RYR2: variants seen among roughly 807,000 people sequenced by gnomAD.
RYR2 encodes ryanodine receptor 2.
A neutral mutation model predicts 601.1 loss-of-function variants in RYR2; 227 were observed. The ratio of observed to expected loss-of-function variants is 0.38; its 90% CI spans 0.34 to 0.42. The LOEUF is 0.42. RYR2 is among the 10% of genes least tolerant of loss of function. RYR2 has a pLI of 1.00. For synonymous variants in RYR2, 2,223 were observed against 2,175.1 expected, an observed-to-expected ratio of 1.02 and a Z score of -0.61; for missense variants, 4,646 against 6,156.5, an observed-to-expected ratio of 0.75 and a Z score of 8.21.
At chr1:237,266,709 G>A (rs1558524079) in intron 1 of RYR2, among the ~76,000 whole-genome samples, 1 of 152,250 alleles carries the variant, frequency 6.6e-6, no homozygotes, top group Non-Finnish European at 1.5e-5. Context: ...GCTTTGATGA[G>A]TATGTCAGAT....
intron 80 of RYR2, among the ~76,000 whole-genome samples, chr1:237,749,953 C>T (rs1014220780): frequency 7.2e-5 from 11 of 151,938 alleles, no homozygotes; most frequent in Non-Finnish European, 2.9e-5. Flanking sequence ...CAAGACCAGC[C>T]CAGGCAACAT....
intron 1 of RYR2, among the ~76,000 whole-genome samples, chr1:237,156,925 G>A (rs1394282821): frequency 3.3e-5 from 5 of 152,150 alleles, no homozygotes; most frequent in South Asian, 2.1e-4. Context: ...GAATGCTTGC[G>A]CACTGTTGGT....
chr1:237,521,520 G>C (rs756525886), intron 24 of RYR2, among the ~76,000 whole-genome samples: 4 of 151,422 alleles, frequency 2.6e-5, no homozygotes, highest in African/African-American at 9.7e-5. Context: ...AGGAGTTCAA[G>C]AGCAGCCTGG....
At chr1:237,107,400 A>G (rs1037486100) in intron 1 of RYR2, among the ~76,000 whole-genome samples, 2 of 151,266 alleles carry the variant, frequency 1.3e-5, no homozygotes, top group East Asian at 2.0e-4. Context: ...GGGCGCCTGT[A>G]GTCCCAGCTA....
chr1:237,565,166 T>C (rs559041381), intron 27 of RYR2, among the ~76,000 whole-genome samples: 1 of 14,304 alleles, frequency 7.0e-5, no homozygotes, highest in Admixed American at 8.3e-4. Flanking sequence ...TCTCTTTCTT[T>C]CTTTCTTTCT....
chr1:237,170,120 G>GA (rs1193033202), intron 1 of RYR2, among the ~76,000 whole-genome samples: 2 of 150,636 alleles, frequency 1.3e-5, no homozygotes, highest in Admixed American at 6.6e-5. Flanking sequence ...TTGTTGTAAA[G>GA]AAAAAAAAGA....
rs148841496 is a variant in RYR2 at position 237,760,899 on chromosome 1, G to A, written c.11403-56G>A. 6.0e-6 allele frequency: 7 copies of A among 1,158,300 alleles called. No individual in the cohort carries two copies. In the Admixed American group the frequency reaches 1.5e-4, roughly 24 times the overall value. The allele number at this position is 1,158,300 out of a possible 1,614,324, so 71.8% of individuals were successfully genotyped here. ...GGTGTTTAGATGTTTGCTCTCCTGA[G>A]CAAAGAAAATGTTCTATTAGTCCTC... On this transcript the variant is annotated intron_variant, in intron 83 of 104. Transcript: ENST00000366574.
intron 2 of RYR2, among the ~76,000 whole-genome samples, chr1:237,295,889 CAG>C (rs3086045): frequency 0.23 from 35,366 of 151,558 alleles, 5,207 homozygotes; most frequent in Admixed American, 0.33. Context: ...GAGATCGAGA[CAG>C]AGTGCACCAT....
intron 101 of RYR2, among the ~76,000 whole-genome samples, chr1:237,823,322 A>G (rs537576989): frequency 6.6e-6 from 1 of 152,328 alleles, no homozygotes; most frequent in East Asian, 1.9e-4. Flanking sequence ...GGAAATCATA[A>G]CAGAGTCTCT....
intron 27 of RYR2, among the ~76,000 whole-genome samples, chr1:237,552,605 ACC>A (rs891978006): frequency 7.7e-4 from 117 of 152,120 alleles, no homozygotes; most frequent in African/African-American, 2.3e-3. Context: ...TATAAATGTA[ACC>A]TATAAATGTA....
At chr1:237,417,536 T>C (rs1215572154) in intron 11 of RYR2, among the ~76,000 whole-genome samples, 1 of 152,182 alleles carries the variant, frequency 6.6e-6, no homozygotes, top group East Asian at 1.9e-4. Context: ...CTTCTAAAAG[T>C]ACATTTAAAA....
In RYR2 at chr1:237,524,088, C is replaced by G. The variant is rs73112421; in HGVS notation, c.2823-6339C>G. On this transcript the variant is annotated intron_variant, in intron 24 of 104. Transcript: ENST00000366574. ...ACTCAAGAGAAATAAAAGCTTATGT[C>G]CCTGCAAAGATTTACACGTAAATGT... is the stretch of plus-strand genomic sequence containing the variant. 4.0e-3 allele frequency among the ~76,000 whole-genome samples: 615 copies of G among 152,254 alleles called. 5 individuals are homozygous for G. Among genetic ancestry groups the G allele is most frequent in the African/African-American group, 0.014 (587 of 41,554 alleles).
intron 80 of RYR2, among the ~76,000 whole-genome samples, chr1:237,749,217 C>A (rs976640887): frequency 1.3e-4 from 20 of 152,130 alleles, no homozygotes; most frequent in Non-Finnish European, 2.6e-4. Context: ...AAATGCAAGG[C>A]AGCAGACTCA....
At chr1:237,811,897 C>T (rs893329807) in intron 100 of RYR2, among the ~76,000 whole-genome samples, 1 of 152,146 alleles carries the variant, frequency 6.6e-6, no homozygotes, top group African/African-American at 2.4e-5. Flanking sequence ...GCTGAAAGGA[C>T]TCTGATGTTC....
chr1:237,749,869 G>T (rs1172232489), intron 80 of RYR2, among the ~76,000 whole-genome samples: 1 of 152,218 alleles, frequency 6.6e-6, no homozygotes, highest in Non-Finnish European at 1.5e-5. Flanking sequence ...ATGTCAGCCA[G>T]GTGCAGTGTA....
chr1:237,484,593 C>T (rs1412279196), intron 17 of RYR2, among the ~76,000 whole-genome samples: 3 of 152,208 alleles, frequency 2.0e-5, no homozygotes, highest in Admixed American at 6.5e-5. Flanking sequence ...AGTCAGCCTA[C>T]GTAGAGCACT....
In RYR2 at chr1:237,602,231, A is replaced by G. The variant is rs535561404; in HGVS notation, c.4683+120A>G. ...TATGAATCAAATAAATCATTCTTTC[A>G]AGAAAAGATAGCCATGCTTGAAAAT... On this transcript the variant is annotated intron_variant, in intron 35 of 104. Transcript: ENST00000366574. 6 of 666,438 alleles carry G rather than the reference A, an allele frequency of 9.0e-6. No individual in the cohort carries two copies. In the African/African-American group the frequency reaches 9.3e-5, roughly 10 times the overall value. 41.3% of individuals were successfully genotyped at this position (666,438 alleles called of 1,614,324 possible).
intron 39 of RYR2, among the ~76,000 whole-genome samples, chr1:237,624,904 C>T (rs2148654224): frequency 6.6e-6 from 1 of 152,016 alleles, no homozygotes; most frequent in East Asian, 1.9e-4. Context: ...CACCACTTTG[C>T]ATATTAATTT....
At chr1:237,788,199 G>A in intron 92 of RYR2, 64 bp downstream of exon 92, 1 of 1,363,260 alleles carries the variant, frequency 7.3e-7, no homozygotes, top group Non-Finnish European at 1.0e-6. Context: ...TTTAGGCTCA[G>A]TAAATGTTTG....
Sources: gnomAD v4.1 joint callset for allele counts (sites outside exome capture counted in the v4.1 genomes callset) on GRCh38, gnomAD v4.1.1 for gene constraint, MANE v1.5 for transcripts, NCBI Gene and HGNC (gene_info 2026-07-23, HGNC 2026-07-21) for gene names.